Variants in EXOC6B observed in about 807,000 individuals in gnomAD.
EXOC6B encodes exocyst complex component 6B.
Under a neutral mutation model 113.5 loss-of-function variants are expected in EXOC6B, and 54 were observed. The ratio of observed to expected loss-of-function variants is 0.48; its 90% CI spans 0.38 to 0.60. The LOEUF is 0.60. Ranked by LOEUF, EXOC6B falls within the 20% of genes least tolerant of loss-of-function variation. The probability of loss-of-function intolerance (pLI) is 0.00; values close to 1 mark genes in which losing one functional copy is unlikely to be tolerated. For missense variants in EXOC6B, 797 were observed against 977.5 expected, an observed-to-expected ratio of 0.82 and a Z score of 2.46; for synonymous variants, 357 against 339.0, an observed-to-expected ratio of 1.05 and a Z score of -0.58.
chr2:72,316,775 A>C (rs1687536125), intron 20 of EXOC6B, among the ~76,000 whole-genome samples: 1 of 152,226 alleles, frequency 6.6e-6, no homozygotes, highest in Non-Finnish European at 1.5e-5. Flanking sequence ...AAGTAATTAC[A>C]AGAGCATTTG....
chr2:72,707,285 T>C (rs1355840558), intron 6 of EXOC6B, among the ~76,000 whole-genome samples: 1 of 152,234 alleles, frequency 6.6e-6, no homozygotes, highest in Non-Finnish European at 1.5e-5. Context: ...AAACCTGGAA[T>C]ATCTTACACA....
chr2:72,190,111 G>A (rs1678734695), intron 20 of EXOC6B, among the ~76,000 whole-genome samples: 1 of 149,784 alleles, frequency 6.7e-6, no homozygotes, highest in Non-Finnish European at 1.5e-5. Context: ...GCTCACTGCA[G>A]CCTAGAACTC....
intron 1 of EXOC6B, among the ~76,000 whole-genome samples, chr2:72,820,702 A>C (rs1686533843): frequency 1.3e-5 from 2 of 152,164 alleles, no homozygotes; most frequent in African/African-American, 4.8e-5. Context: ...AAGGAGATCA[A>C]AATAAATCAA....
intron 8 of EXOC6B, among the ~76,000 whole-genome samples, chr2:72,548,513 A>G (rs139956317): frequency 1.3e-5 from 2 of 152,276 alleles, no homozygotes; most frequent in East Asian, 3.9e-4. Flanking sequence ...ACTTTTTGTT[A>G]CTTATGTTAT....
At chr2:72,540,407 C>A (rs1404420903) in intron 8 of EXOC6B, among the ~76,000 whole-genome samples, 4 of 151,988 alleles carry the variant, frequency 2.6e-5, no homozygotes, top group Non-Finnish European at 4.4e-5. Context: ...TAATATTTTG[C>A]CCCATATGCT....
At chr2:72,250,483 C>G (rs1682942483) in intron 20 of EXOC6B, among the ~76,000 whole-genome samples, 1 of 152,044 alleles carries the variant, frequency 6.6e-6, no homozygotes, top group Non-Finnish European at 1.5e-5. Flanking sequence ...GCTGGGACTA[C>G]AGGTGTATGC....
At chr2:72,637,627 A>C (rs1672941323) in intron 6 of EXOC6B, among the ~76,000 whole-genome samples, 2 of 152,066 alleles carry the variant, frequency 1.3e-5, no homozygotes, top group African/African-American at 4.8e-5. Flanking sequence ...TGTATCTACA[A>C]AAAATTACAA....
chr2:72,378,669 C>T (rs970025382), intron 19 of EXOC6B, among the ~76,000 whole-genome samples: 1 of 152,120 alleles, frequency 6.6e-6, no homozygotes, highest in Non-Finnish European at 1.5e-5. Context: ...AATTTCCATA[C>T]ATCAAAAGTC....
chr2:72,592,123 A>G (rs1482116346), intron 6 of EXOC6B, among the ~76,000 whole-genome samples: 1 of 152,164 alleles, frequency 6.6e-6, no homozygotes, highest in Non-Finnish European at 1.5e-5. Flanking sequence ...TAGATAAGAA[A>G]AAGAACAACA....
intron 15 of EXOC6B, among the ~76,000 whole-genome samples, chr2:72,492,663 T>TG (rs994813126): frequency 1.2e-4 from 10 of 83,750 alleles, no homozygotes; most frequent in East Asian, 8.6e-3. Flanking sequence ...GAATTCTGGC[T>TG]GTTTTTTTTT....
intron 6 of EXOC6B, among the ~76,000 whole-genome samples, chr2:72,612,549 C>T (rs771178927): frequency 2.7e-4 from 41 of 152,206 alleles, no homozygotes; most frequent in Non-Finnish European, 4.9e-4. Flanking sequence ...GAGGTTTCTA[C>T]GAATGCTCTT....
chr2:72,401,622 CATAT>C lies in EXOC6B; in HGVS notation c.1981-21756_1981-21753del, dbSNP rs1364126956. 2.4e-3 allele frequency among the ~76,000 whole-genome samples: 35 copies of C among 14,488 alleles called. 3 individuals carry two copies. Among genetic ancestry groups the C allele is most frequent in the African/African-American group, 0.01 (28 of 2,774 alleles). 9.5% of individuals were successfully genotyped at this position (14,488 alleles called of 152,430 possible). On this transcript the variant is annotated intron_variant, in intron 18 of 21. Coordinates refer to ENST00000272427, the MANE Select transcript of EXOC6B (RefSeq NM_015189.3). Reference sequence around the variant, plus strand: ...ATATATGTGTATATATATATATATACATATATATATATATACATATATACATATA... The same window carrying C: ...ATATATGTGTATATATATATATATACATATATATATACATATATACATATA...
chr2:72,555,572 T>C (rs1489587639), intron 8 of EXOC6B, among the ~76,000 whole-genome samples: 1 of 152,232 alleles, frequency 6.6e-6, no homozygotes, highest in Non-Finnish European at 1.5e-5. Context: ...AAGTGTCTGT[T>C]CATATCCTTT....
intron 6 of EXOC6B, among the ~76,000 whole-genome samples, chr2:72,598,847 T>A (rs570299019): frequency 6.6e-6 from 1 of 152,222 alleles, no homozygotes; most frequent in Non-Finnish European, 1.5e-5. Flanking sequence ...ATTAGTTTAC[T>A]GAAAAATATG....
intron 6 of EXOC6B, among the ~76,000 whole-genome samples, chr2:72,667,460 C>T (rs1675473286): frequency 6.6e-6 from 1 of 152,180 alleles, no homozygotes; most frequent in Non-Finnish European, 1.5e-5. Context: ...AATCACATTA[C>T]CTGACTTCAA....
chr2:72,410,864 T>G (rs1694133899), intron 18 of EXOC6B, among the ~76,000 whole-genome samples: 1 of 152,122 alleles, frequency 6.6e-6, no homozygotes, highest in Non-Finnish European at 1.5e-5. Flanking sequence ...AGAATTCTAG[T>G]AGTCAAGGAA....
chr2:72,394,527 T>A (rs2105126962), intron 18 of EXOC6B, among the ~76,000 whole-genome samples: 2 of 152,190 alleles, frequency 1.3e-5, no homozygotes, highest in East Asian at 3.9e-4. Context: ...ATCCTAAAAA[T>A]AACAAATATT....
At chr2:72,731,330 T>C (rs1429880799) in intron 3 of EXOC6B, 85 bp from the exon 4 acceptor site, 6 of 1,027,128 alleles carry the variant, frequency 5.8e-6, no homozygotes, top group African/African-American at 3.3e-5. Context: ...TGTGTTCAAT[T>C]CATCAGAAAA....
rs891122415 is a variant in EXOC6B at position 72,667,142 on chromosome 2, C to T, written c.669+50961G>A. On this transcript the variant is annotated intron_variant, in intron 6 of 21. Coordinates refer to ENST00000272427, the MANE Select transcript of EXOC6B (RefSeq NM_015189.3). ...TCTCCCAAAGTGATGGGATTACAGG[C>T]GTGAGCCATCATGCCCGACCAAGCA... 4.6e-5 allele frequency among the ~76,000 whole-genome samples: 7 copies of T among 152,120 alleles called. No individual in the cohort carries two copies. The East Asian group carries it at 5.8e-4, about 13-fold the overall frequency.
Sources: allele counts gnomAD v4.1 joint callset (sites outside exome capture counted in the v4.1 genomes callset), GRCh38; gene constraint gnomAD v4.1.1; transcripts MANE v1.5; gene names NCBI Gene and HGNC (gene_info 2026-07-23, HGNC 2026-07-21).